Variants in CDK14 observed in about 807,000 individuals in gnomAD.
The protein encoded by CDK14 is cyclin-dependent kinase 14.
CDK14 carries 34 observed loss-of-function variants against 60.7 expected under a neutral mutation model. The observed-to-expected ratio is 0.56, with a 90% CI of 0.43 to 0.75. CDK14 has a LOEUF of 0.75. Ranked by LOEUF, CDK14 falls within the 30% of genes least tolerant of loss-of-function variation. The pLI is 0.00. For synonymous variants in CDK14, 197 were observed against 203.7 expected, an observed-to-expected ratio of 0.97 and a Z score of 0.28; for missense variants, 482 against 564.1, an observed-to-expected ratio of 0.85 and a Z score of 1.47.
intron 5 of CDK14, among the ~76,000 whole-genome samples, chr7:90,823,209 C>T (rs1789611795): frequency 6.6e-6 from 1 of 152,134 alleles, no homozygotes; most frequent in Non-Finnish European, 1.5e-5. Context: ...TGTTCAAAGT[C>T]TTAAATTTTT....
chr7:90,750,038 TGTAAAA>T (rs1803758468), intron 4 of CDK14, among the ~76,000 whole-genome samples: 1 of 152,060 alleles, frequency 6.6e-6, no homozygotes, highest in African/African-American at 2.4e-5. Flanking sequence ...AACAGCCGTA[TGTAAAA>T]GCTGCTGATA....
intron 11 of CDK14, among the ~76,000 whole-genome samples, chr7:91,074,677 CAAAAA>C (rs1038903162): frequency 6.6e-6 from 1 of 151,642 alleles, no homozygotes; most frequent in Non-Finnish European, 1.5e-5. Flanking sequence ...TATGGAGACA[CAAAAA>C]AACCCTTCAA....
intron 7 of CDK14, among the ~76,000 whole-genome samples, chr7:90,914,699 A>T (rs1172253261): frequency 3.3e-5 from 5 of 152,146 alleles, no homozygotes; most frequent in Non-Finnish European, 5.9e-5. Context: ...TCCTATTTGA[A>T]TAGCTTCTAC....
At chr7:91,091,733 G>A (rs374076185) in intron 12 of CDK14, among the ~76,000 whole-genome samples, 2 of 77,590 alleles carry the variant, frequency 2.6e-5, no homozygotes, top group Non-Finnish European at 5.2e-5. Flanking sequence ...AAGGAAGGAA[G>A]GAAGGAAGGA....
Position 90,895,347 on chromosome 7 carries a change from TC to T in CDK14, c.640-3943del, listed in dbSNP as rs1562817481. Among the ~76,000 whole-genome samples the T allele has an allele frequency of 2.8e-4, 26 of 92,356 alleles. 2 individuals carry two copies. The highest frequency in any genetic ancestry group is 1.3e-3 in the South Asian group (3 of 2,232). 60.6% of individuals were successfully genotyped at this position (92,356 alleles called of 152,430 possible). ...TCTCCTTTCCTCTCCTCTCCTCTCC[TC>T]TCCTCTCCTCACCTCTCCTCCCCTC... On this transcript the variant is annotated intron_variant, in intron 6 of 14. Transcript: ENST00000380050.
intron 8 of CDK14, among the ~76,000 whole-genome samples, chr7:90,924,527 C>G (rs568353693): frequency 2.0e-5 from 3 of 152,232 alleles, no homozygotes; most frequent in African/African-American, 7.2e-5. Flanking sequence ...AAAATTCAGC[C>G]CAAACCAGAC....
intron 14 of CDK14, among the ~76,000 whole-genome samples, chr7:91,192,940 C>A (rs183774292): frequency 6.6e-6 from 1 of 152,148 alleles, no homozygotes; most frequent in Non-Finnish European, 1.5e-5. Flanking sequence ...ATCCGGGTTT[C>A]TCCTCTCTTG....
At chr7:90,818,076 G>C (rs945351225) in intron 5 of CDK14, among the ~76,000 whole-genome samples, 6 of 152,190 alleles carry the variant, frequency 3.9e-5, no homozygotes, top group Non-Finnish European at 8.8e-5. Flanking sequence ...ACTTAACCCT[G>C]AAGTGATTTG....
At chr7:90,770,108 C>T (rs145460601) in intron 4 of CDK14, among the ~76,000 whole-genome samples, 19 of 152,316 alleles carry the variant, frequency 1.2e-4, no homozygotes, top group Admixed American at 2.6e-4. Flanking sequence ...TAGCACTAAA[C>T]GCAGCAAAGC....
intron 14 of CDK14, among the ~76,000 whole-genome samples, chr7:91,141,443 A>G (rs1215243611): frequency 6.6e-6 from 1 of 152,182 alleles, no homozygotes; most frequent in African/African-American, 2.4e-5. Flanking sequence ...TTAGGTTGAT[A>G]TAGCAACAGA....
At chr7:90,962,961 G>T (rs1584173639) in intron 9 of CDK14, among the ~76,000 whole-genome samples, 1 of 152,086 alleles carries the variant, frequency 6.6e-6, no homozygotes, top group Non-Finnish European at 1.5e-5. Flanking sequence ...TTCTATTGGG[G>T]TACAGCATCC....
chr7:90,812,491 T>C (rs1789169088), intron 5 of CDK14, among the ~76,000 whole-genome samples: 1 of 152,004 alleles, frequency 6.6e-6, no homozygotes, highest in South Asian at 2.1e-4. Flanking sequence ...GGGGGACGGA[T>C]TGCATTAGGA....
intron 6 of CDK14, among the ~76,000 whole-genome samples, chr7:90,888,753 G>GT (rs1026729975): frequency 5.3e-5 from 8 of 151,922 alleles, no homozygotes; most frequent in Admixed American, 2.6e-4. Flanking sequence ...TTGTCAGCCT[G>GT]TTTTTTTTCT....
chr7:91,053,876 T>C (rs898131007), intron 11 of CDK14, among the ~76,000 whole-genome samples: 2 of 152,122 alleles, frequency 1.3e-5, no homozygotes, highest in South Asian at 2.1e-4. Context: ...GCCTGTGAAG[T>C]GCTGAGATAC....
intron 10 of CDK14, among the ~76,000 whole-genome samples, 186 bp downstream of exon 10, chr7:90,984,427 C>G (rs1287697738): frequency 6.6e-6 from 1 of 152,020 alleles, no homozygotes; most frequent in Non-Finnish European, 1.5e-5. Context: ...TACTACTGTA[C>G]GTGAATAACA....
chr7:90,659,566 T>A (rs1244161302), intron 2 of CDK14, among the ~76,000 whole-genome samples: 1 of 152,178 alleles, frequency 6.6e-6, no homozygotes. Context: ...AAAATAGGGA[T>A]ATGATGAATT....
At chr7:90,874,503 CTTTTTTTTTTTTTTTTTTTTTTT>C (rs747439482) in intron 6 of CDK14, among the ~76,000 whole-genome samples, 1 of 47,966 alleles carries the variant, frequency 2.1e-5, no homozygotes, top group Non-Finnish European at 3.9e-5. Context: ...TCCTTTCATC[CTTTTTTTTTTTTTTTTTTTTTTT>C]TTTTTTTTTT....
intron 11 of CDK14, among the ~76,000 whole-genome samples, chr7:91,046,896 G>T (rs563090435): frequency 2.4e-4 from 36 of 152,192 alleles, no homozygotes; most frequent in African/African-American, 8.2e-4. Context: ...TAAATTATCA[G>T]TTCCAAAGAA....
intron 2 of CDK14, among the ~76,000 whole-genome samples, chr7:90,650,429 G>GT (rs1242361105): frequency 2.0e-5 from 3 of 152,196 alleles, no homozygotes; most frequent in Non-Finnish European, 4.4e-5. Flanking sequence ...TCTGATGGTA[G>GT]TTTCTTTTGC....
Sources: gnomAD v4.1 joint callset for allele counts (sites outside exome capture counted in the v4.1 genomes callset) on GRCh38, gnomAD v4.1.1 for gene constraint, MANE v1.5 for transcripts, NCBI Gene and HGNC (gene_info 2026-07-23, HGNC 2026-07-21) for gene names.